Variants in KIAA1328 observed in about 807,000 individuals in gnomAD.
KIAA1328 encodes the protein protein hinderin.
Under a neutral mutation model 68.1 loss-of-function variants are expected in KIAA1328, and 52 were observed. The observed-to-expected ratio is 0.76, with a 90% CI of 0.61 to 0.96. The LOEUF (loss-of-function observed/expected upper bound fraction) is 0.96, where lower values mean the gene tolerates loss of function less well. Among genes scored for constraint, KIAA1328 ranks in the 40% least tolerant of loss-of-function variants. The pLI, the probability that KIAA1328 is intolerant of heterozygous loss-of-function variation, is 0.00. For synonymous variants in KIAA1328, 232 were observed against 239.4 expected (o/e 0.97, Z 0.28); for missense variants, 641 against 677.6 (o/e 0.95, Z 0.60).
chr18:36,840,992 G>A (rs181000478), intron 3 of KIAA1328, among the ~76,000 whole-genome samples: 55 of 152,260 alleles, frequency 3.6e-4, no homozygotes, highest in African/African-American at 1.1e-3. Context: ...AGGAAAAGAA[G>A]GAAGATTGAC....
rs759706746 is a variant in KIAA1328 at position 37,222,115 on chromosome 18, A to C, written c.1622A>C (p.His541Pro). 2.5e-6 allele frequency: 4 copies of C among 1,613,334 alleles called. No homozygotes were observed. Among genetic ancestry groups the C allele is most frequent in the Non-Finnish European group, 3.4e-6 (4 of 1,179,662 alleles). The change falls in exon 10 of 10, where the codon CAT becomes CCT. Residue 541 changes from histidine to proline, a missense_variant. By Grantham distance (77) the His-to-Pro change is moderately conservative (BLOSUM62 -2). Coordinates refer to ENST00000280020, the MANE Select transcript of KIAA1328 (RefSeq NM_020776.3). ...TCCAGAGAAGCTGGGGCCTGGAATCATGGTACTTTCCGACTCAGTCCTCTA... is the reference window on the plus strand; with the variant it reads ...TCCAGAGAAGCTGGGGCCTGGAATCCTGGTACTTTCCGACTCAGTCCTCTA... The part of the protein sequence containing the change: ...YPSREAGAWN[H>P]GTFRLSPLKS...
intron 5 of KIAA1328, among the ~76,000 whole-genome samples, chr18:36,915,484 A>G (rs530838536): frequency 1.2e-4 from 19 of 152,334 alleles, no homozygotes; most frequent in Admixed American, 8.5e-4. Context: ...AAACTCAACA[A>G]TAAGAAAACA....
At chr18:36,902,654 A>T (rs2049081539) in intron 5 of KIAA1328, among the ~76,000 whole-genome samples, 1 of 152,080 alleles carries the variant, frequency 6.6e-6, no homozygotes, top group Admixed American at 6.6e-5. Context: ...TAAGATATCA[A>T]ACAATTGGGA....
At chr18:36,914,625 C>G (rs2049609011) in intron 5 of KIAA1328, among the ~76,000 whole-genome samples, 1 of 151,928 alleles carries the variant, frequency 6.6e-6, no homozygotes, top group Non-Finnish European at 1.5e-5. Context: ...GAGGCTGAGG[C>G]AGGAGAATTG....
chr18:37,088,678 GAAAAT>G (rs1282528820), intron 7 of KIAA1328, among the ~76,000 whole-genome samples: 2 of 151,856 alleles, frequency 1.3e-5, no homozygotes, highest in East Asian at 3.9e-4. Context: ...TACTAAAGAA[GAAAAT>G]AAAATATACC....
rs140725684 is a variant in KIAA1328 at position 37,146,303 on chromosome 18, C to T, written c.1233-13897C>T. 3.8e-3 allele frequency among the ~76,000 whole-genome samples: 581 copies of T among 152,212 alleles called. 4 individuals carry two copies. The highest frequency in any genetic ancestry group is 0.013 in the African/African-American group (547 of 41,540). ...TCCCCTCTTTGTGTCCATGTGTTCT[C>T]ATCATTTAGCTCCCACTTATAAGTG... On this transcript the variant is annotated intron_variant, in intron 7 of 9. Transcript: ENST00000280020.
chr18:36,963,083 T>G (rs2051762545), intron 6 of KIAA1328, among the ~76,000 whole-genome samples: 1 of 152,142 alleles, frequency 6.6e-6, no homozygotes, highest in Non-Finnish European at 1.5e-5. Flanking sequence ...TATAAATGGT[T>G]TGTTTGTATT....
chr18:36,920,212 G>A (rs1200293560), intron 5 of KIAA1328, among the ~76,000 whole-genome samples: 6 of 152,132 alleles, frequency 3.9e-5, no homozygotes, highest in Non-Finnish European at 2.9e-5. Flanking sequence ...AATCCATCTT[G>A]AGTTAATTTT....
intron 6 of KIAA1328, among the ~76,000 whole-genome samples, chr18:36,961,886 G>A (rs565944217): frequency 3.9e-5 from 6 of 152,276 alleles, no homozygotes; most frequent in Non-Finnish European, 8.8e-5. Context: ...GACCATTGAT[G>A]CTATGAAGAA....
chr18:37,131,104 T>C (rs2058511387), intron 7 of KIAA1328, among the ~76,000 whole-genome samples: 1 of 152,196 alleles, frequency 6.6e-6, no homozygotes, highest in African/African-American at 2.4e-5. Context: ...CCCTGGGTGA[T>C]TCCGATAATG....
chr18:36,974,365 A>T (rs1421079110), intron 6 of KIAA1328, among the ~76,000 whole-genome samples: 1 of 152,042 alleles, frequency 6.6e-6, no homozygotes, highest in Non-Finnish European at 1.5e-5. Context: ...ATTATTCCAC[A>T]TTATCTAGCT....
At chr18:37,086,612 G>T (rs1257521777) in intron 7 of KIAA1328, among the ~76,000 whole-genome samples, 3 of 152,150 alleles carry the variant, frequency 2.0e-5, no homozygotes, top group Non-Finnish European at 2.9e-5. Flanking sequence ...GAGTGCAGAG[G>T]CAGTAATCTT....
At chr18:37,096,691 CAGTGTAAA>C (rs1216009591) in intron 7 of KIAA1328, among the ~76,000 whole-genome samples, 1 of 152,248 alleles carries the variant, frequency 6.6e-6, no homozygotes, top group Non-Finnish European at 1.5e-5. Flanking sequence ...GTCCCACCAA[CAGTGTAAA>C]AGTGTTCCTA....
At chr18:37,166,221 G>C (rs1218682336) in intron 8 of KIAA1328, among the ~76,000 whole-genome samples, 3 of 152,012 alleles carry the variant, frequency 2.0e-5, no homozygotes, top group Non-Finnish European at 4.4e-5. Flanking sequence ...CAGAACTCTG[G>C]AGGATAGTGA....
At chr18:37,133,525 ATTTT>A (rs530477761) in intron 7 of KIAA1328, among the ~76,000 whole-genome samples, 1 of 134,612 alleles carries the variant, frequency 7.4e-6, no homozygotes, top group Non-Finnish European at 1.6e-5. Flanking sequence ...CTATATAGTA[ATTTT>A]TTTTTTTTTT....
intron 3 of KIAA1328, among the ~76,000 whole-genome samples, chr18:36,837,157 T>C (rs2046704656): frequency 6.6e-6 from 1 of 152,144 alleles, no homozygotes; most frequent in Admixed American, 6.5e-5. Flanking sequence ...TGTTTAACCT[T>C]TTGACAAAAT....
chr18:37,226,798 G>A (rs940385841), downstream of KIAA1328, among the ~76,000 whole-genome samples: 19 of 119,750 alleles, frequency 1.6e-4, no homozygotes, highest in Non-Finnish European at 2.9e-4. Flanking sequence ...ACAGAGTTTC[G>A]TTCTTGTTGC....
intron 4 of KIAA1328, among the ~76,000 whole-genome samples, chr18:36,878,527 T>G (rs1487625870): frequency 6.6e-6 from 1 of 152,144 alleles, no homozygotes; most frequent in Admixed American, 6.5e-5. Flanking sequence ...CTTTGTGGTG[T>G]TCTGTGTTTT....
chr18:36,960,589 C>A (rs2051622250), intron 6 of KIAA1328, among the ~76,000 whole-genome samples: 2 of 152,124 alleles, frequency 1.3e-5, no homozygotes, highest in Non-Finnish European at 2.9e-5. Context: ...GCAGGTGCCC[C>A]TCTGGGACGA....
Sources: gnomAD v4.1 joint callset for allele counts (sites outside exome capture counted in the v4.1 genomes callset) on GRCh38, gnomAD v4.1.1 for gene constraint, MANE v1.5 for transcripts, NCBI Gene and HGNC (gene_info 2026-07-23, HGNC 2026-07-21) for gene names.